The following KAT6B variants were observed in gnomAD, a reference collection of about 807,000 sequenced individuals.
KAT6B encodes the protein histone acetyltransferase KAT6B.
A neutral mutation model predicts 187.5 loss-of-function variants in KAT6B; 10 were observed. The observed-to-expected ratio is 0.05, with a 90% CI of 0.03 to 0.09. The LOEUF (loss-of-function observed/expected upper bound fraction) is 0.09, where lower values mean the gene tolerates loss of function less well. Ranked by LOEUF, KAT6B falls within the 10% of genes least tolerant of loss-of-function variation. The probability of loss-of-function intolerance (pLI) is 1.00; values close to 1 mark genes in which losing one functional copy is unlikely to be tolerated. For synonymous variants in KAT6B, 861 were observed against 926.8 expected, an observed-to-expected ratio of 0.93 and a Z score of 1.29; for missense variants, 1,952 against 2,558.9, an observed-to-expected ratio of 0.76 and a Z score of 5.12.
At chr10:74,932,760 C>T (rs1848976849) in intron 3 of KAT6B, among the ~76,000 whole-genome samples, 1 of 152,108 alleles carries the variant, frequency 6.6e-6, no homozygotes, top group African/African-American at 2.4e-5. Flanking sequence ...TATGAGCTCT[C>T]ACATCTCATT....
At position 75,012,601 on chromosome 10, in the gene KAT6B, T is replaced by C. The variant is rs141350230; in HGVS notation, c.2630-7981T>C. Reference sequence around the variant, plus strand: ...GCTCAGGAGCACATCCACAGAGGTCTACGCTTCTCAACACAGGGGCGGTGC... The same window carrying C: ...GCTCAGGAGCACATCCACAGAGGTCCACGCTTCTCAACACAGGGGCGGTGC... On this transcript the variant is annotated intron_variant, in intron 13 of 17. Coordinates refer to ENST00000287239, the MANE Select transcript of KAT6B (RefSeq NM_012330.4). Among the ~76,000 whole-genome samples the C allele has an allele frequency of 4.9e-3, 754 of 152,324 alleles. 7 individuals carry two copies. Among genetic ancestry groups the C allele is most frequent in the African/African-American group, 0.017 (720 of 41,574 alleles).
chr10:74,961,451 C>T (rs1189713797), intron 4 of KAT6B, among the ~76,000 whole-genome samples: 1 of 152,136 alleles, frequency 6.6e-6, no homozygotes, highest in Non-Finnish European at 1.5e-5. Flanking sequence ...TCTTTAGGAT[C>T]TATTTGTCTG....
intron 3 of KAT6B, among the ~76,000 whole-genome samples, chr10:74,941,759 T>TAAA (rs1273021283): frequency 1.3e-5 from 2 of 152,202 alleles, no homozygotes; most frequent in African/African-American, 2.4e-5. Flanking sequence ...TATCAAATCT[T>TAAA]TAACAATACA....
At chr10:74,999,807 A>G (rs1253463956) in intron 13 of KAT6B, among the ~76,000 whole-genome samples, 2 of 152,210 alleles carry the variant, frequency 1.3e-5, no homozygotes, top group Non-Finnish European at 2.9e-5. Context: ...CCAGAGAGAA[A>G]GTCATAAGAA....
In KAT6B at chr10:75,029,414, A is replaced by G. The variant is rs750426572; in HGVS notation, c.4590A>G (p.Gly1530=). The change falls in exon 18 of 18, where the codon GGA becomes GGG. Residue 1530 remains glycine (G), a synonymous_variant. Coordinates refer to ENST00000287239, the MANE Select transcript of KAT6B (RefSeq NM_012330.4). The surrounding 1 kb of genome is among the most constrained non-coding windows in gnomAD (Gnocchi z 6.2). ...SKEVDTEFKE[G]NPATMEIDSE... The stretch of plus-strand genomic sequence containing the variant: ...AAGTCGATACAGAGTTCAAAGAGGG[A>G]AACCCAGCAACCATGGAAATCGACT... 1 of 1,614,012 alleles carries G rather than the reference A, an allele frequency of 6.2e-7. No homozygotes were observed. The highest frequency in any genetic ancestry group is 1.3e-5 in the African/African-American group (1 of 74,880).
At chr10:74,945,759 A>G (rs1839906700) in intron 3 of KAT6B, among the ~76,000 whole-genome samples, 1 of 152,174 alleles carries the variant, frequency 6.6e-6, no homozygotes, top group African/African-American at 2.4e-5. Context: ...GGCCTGCCCA[A>G]ACTTTAAAAG....
chr10:74,883,849 A>G (rs1488525002), intron 3 of KAT6B, among the ~76,000 whole-genome samples: 2 of 152,108 alleles, frequency 1.3e-5, no homozygotes, highest in African/African-American at 4.8e-5. Flanking sequence ...TAGCCCTCTC[A>G]TTGCTTCACT....
At chr10:74,923,806 T>G (rs1412372463) in intron 3 of KAT6B, among the ~76,000 whole-genome samples, 2 of 152,118 alleles carry the variant, frequency 1.3e-5, no homozygotes, top group African/African-American at 2.4e-5. Flanking sequence ...TTTGCAGGGT[T>G]TTGAACAGAG....
At chr10:74,835,280 T>C (rs537781696) in intron 1 of KAT6B, among the ~76,000 whole-genome samples, 1 of 152,276 alleles carries the variant, frequency 6.6e-6, no homozygotes, top group East Asian at 1.9e-4. Context: ...CAAGGTTCAG[T>C]TTCAGTCCCA....
chr10:74,926,500 C>T (rs1232482898), intron 3 of KAT6B, among the ~76,000 whole-genome samples: 1 of 152,146 alleles, frequency 6.6e-6, no homozygotes, highest in Non-Finnish European at 1.5e-5. Flanking sequence ...ATCCATATTG[C>T]CTACAGGAGA....
chr10:74,920,820 G>T (rs1848054113), intron 3 of KAT6B, among the ~76,000 whole-genome samples: 1 of 152,116 alleles, frequency 6.6e-6, no homozygotes, highest in Non-Finnish European at 1.5e-5. Flanking sequence ...TAGTGGCTGT[G>T]TCCATTTTTC....
At chr10:74,972,435 T>C in intron 6 of KAT6B, 72 bp from the exon 7 acceptor site, 1 of 1,178,170 alleles carries the variant, frequency 8.5e-7, no homozygotes, top group South Asian at 1.4e-5. Context: ...TTATTACAGC[T>C]ACAACTTATA....
chr10:74,901,975 G>A (rs1225633717), intron 3 of KAT6B, among the ~76,000 whole-genome samples: 1 of 152,132 alleles, frequency 6.6e-6, no homozygotes, highest in Non-Finnish European at 1.5e-5. Flanking sequence ...TAGGAGGACT[G>A]CATACTCACT....
chr10:75,029,014 C>T lies in KAT6B; in HGVS notation c.4190C>T (p.Thr1397Met), dbSNP rs201038511. ...GAAAAAGAGGAACCAGAAATCTCCACGGAAAAAGAAGACTCTGCACGTTTG... is the reference window on the plus strand; with the variant it reads ...GAAAAAGAGGAACCAGAAATCTCCATGGAAAAAGAAGACTCTGCACGTTTG... ...SQEKEEPEIS[T>M]EKEDSARLDD... Residue 1397 changes from threonine to methionine, a missense_variant, in exon 18 of 18, where the codon ACG becomes ATG. Physicochemically the swap from Thr to Met is moderately conservative, Grantham distance 81 (BLOSUM62 -1). This residue lies in a region of KAT6B where 758 missense variants were observed against 891.4 expected (regional missense o/e 0.85). Transcript: ENST00000287239. This position sits in a 1 kb window ranked among gnomAD's most constrained non-coding sequence, Gnocchi z 6.2. 37 of 1,613,852 alleles carry T rather than the reference C, an allele frequency of 2.3e-5. No homozygotes were observed. The highest frequency in any genetic ancestry group is 2.8e-5 in the Non-Finnish European group (33 of 1,179,964).
At chr10:74,912,701 T>C (rs896119716) in intron 3 of KAT6B, among the ~76,000 whole-genome samples, 12 of 152,190 alleles carry the variant, frequency 7.9e-5, no homozygotes, top group African/African-American at 2.9e-4. Context: ...AAATCACAAA[T>C]ACAAAGGAGG....
intron 3 of KAT6B, among the ~76,000 whole-genome samples, chr10:74,905,733 G>A (rs1186601661): frequency 3.9e-5 from 6 of 152,196 alleles, no homozygotes; most frequent in Non-Finnish European, 4.4e-5. Context: ...GCAGGCAGGA[G>A]TTAGAATTGT....
At chr10:74,962,366 G>A (rs1841160754) in intron 4 of KAT6B, among the ~76,000 whole-genome samples, 2 of 152,178 alleles carry the variant, frequency 1.3e-5, no homozygotes, top group East Asian at 1.9e-4. Flanking sequence ...CCTCAACAGT[G>A]TCCTCAAATA....
rs185411127 is a variant in KAT6B at position 74,854,460 on chromosome 10, A to G, written c.621+10982A>G. 7.2e-5 allele frequency among the ~76,000 whole-genome samples: 11 copies of G among 151,926 alleles called. No homozygotes were observed. In the East Asian group the frequency reaches 1.5e-3, roughly 21 times the overall value. ...ATTAGTGTAATATTATGTAGAGTGT[A>G]TGTTTTTTCTGTTTTTTTTTAATGA... On this transcript the variant is annotated intron_variant, in intron 3 of 17. Transcript: ENST00000287239.
chr10:74,859,120 G>C (rs1418056921), intron 3 of KAT6B, among the ~76,000 whole-genome samples: 1 of 152,032 alleles, frequency 6.6e-6, no homozygotes, highest in Non-Finnish European at 1.5e-5. Context: ...TTGCTCTGTT[G>C]CTCAGGCTGG....
Sources: gnomAD v4.1 joint callset for allele counts (sites outside exome capture counted in the v4.1 genomes callset) on GRCh38, gnomAD v4.1.1 for gene constraint, gnomAD v4.1.1 regional missense constraint, Gnocchi (gnomAD v3.1) non-coding constraint, MANE v1.5 for transcripts, NCBI Gene and HGNC (gene_info 2026-07-23, HGNC 2026-07-21) for gene names.